LAMC3: variants seen among roughly 807,000 people sequenced by gnomAD.
LAMC3 encodes laminin subunit gamma 3, also known as laminin subunit gamma-3.
A neutral mutation model predicts 173.8 loss-of-function variants in LAMC3; 128 were observed. The ratio of observed to expected loss-of-function variants is 0.74; its 90% CI spans 0.64 to 0.85. The LOEUF (loss-of-function observed/expected upper bound fraction) is 0.85. Among genes scored for constraint, LAMC3 ranks in the 40% least tolerant of loss-of-function variants. The pLI is 0.00. For synonymous variants in LAMC3, 897 were observed against 909.1 expected, an observed-to-expected ratio of 0.99 and a Z score of 0.24; for missense variants, 2,022 against 2,156.0, an observed-to-expected ratio of 0.94 and a Z score of 1.23.
intron 22 of LAMC3, among the ~76,000 whole-genome samples, chr9:131,078,339 A>C (rs1245825963): frequency 1.3e-5 from 2 of 152,172 alleles, no homozygotes; most frequent in East Asian, 3.9e-4. Context: ...AAAATACAAA[A>C]AAATTAGCCA....
At chr9:131,012,217 C>T (rs943508343) in intron 1 of LAMC3, among the ~76,000 whole-genome samples, 1 of 152,126 alleles carries the variant, frequency 6.6e-6, no homozygotes, top group Non-Finnish European at 1.5e-5. Context: ...CTGGGGCCAG[C>T]TCAGCATTCT....
chr9:131,067,679 GA>G (rs894242225), intron 14 of LAMC3, among the ~76,000 whole-genome samples: 1 of 152,184 alleles, frequency 6.6e-6, no homozygotes, highest in African/African-American at 2.4e-5. Context: ...TCGCTTTGTG[GA>G]ACCCCTGCAG....
chr9:131,091,856 C>T lies in LAMC3; in HGVS notation c.*69C>T, dbSNP rs749682792. 1.1e-5 allele frequency: 18 copies of T among 1,569,060 alleles called. No individual in the cohort carries two copies. Among genetic ancestry groups the T allele is most frequent in the Non-Finnish European group, 1.5e-5 (17 of 1,154,332 alleles). ...ACATGACCCAGGGGGTGCACACTAC[C>T]CCACAGGTGTGCCCATACAGACATT... On this transcript the variant is annotated 3_prime_UTR_variant, in exon 28 of 28. Coordinates refer to ENST00000361069, the MANE Select transcript of LAMC3 (RefSeq NM_006059.4).
chr9:131,030,511 G>A (rs1833805780), intron 2 of LAMC3, among the ~76,000 whole-genome samples: 1 of 152,196 alleles, frequency 6.6e-6, no homozygotes, highest in Admixed American at 6.5e-5. Context: ...GGGACCCTGG[G>A]ATCAGATAGA....
Position 131,026,748 on chromosome 9 carries a change from C to T in LAMC3, c.678+159C>T, listed in dbSNP as rs1377567922. Reference sequence around the variant, plus strand: ...TTTTGGAGACTGAGTCTTGCTCTGTCGCCCAGGCTGGAGTGCAGTGACGCG... The same window carrying T: ...TTTTGGAGACTGAGTCTTGCTCTGTTGCCCAGGCTGGAGTGCAGTGACGCG... On this transcript the variant is annotated intron_variant, in intron 2 of 27. Coordinates refer to ENST00000361069, the MANE Select transcript of LAMC3 (RefSeq NM_006059.4). This position sits in a 1 kb window ranked among gnomAD's most constrained non-coding sequence, Gnocchi z 4.8. 6.6e-6 allele frequency among the ~76,000 whole-genome samples: 1 copy of T among 152,058 alleles called. No homozygotes were observed.
In LAMC3 at chr9:131,026,696, C is replaced by T. The variant is rs1433712547; in HGVS notation, c.678+107C>T. Reference sequence around the variant, plus strand: ...ACACAGGGTGGGGGACCTGCAAAACCCCATGGTTTTCTTTTTCTTCTTTTA... The same window carrying T: ...ACACAGGGTGGGGGACCTGCAAAACTCCATGGTTTTCTTTTTCTTCTTTTA... On this transcript the variant is annotated intron_variant, in intron 2 of 27. Transcript: ENST00000361069. The surrounding 1 kb of genome is among the most constrained non-coding windows in gnomAD (Gnocchi z 4.8). The T allele has an allele frequency of 6.3e-6, 9 of 1,425,724 alleles. No individual in the cohort carries two copies. In the African/African-American group the frequency reaches 1.2e-4, roughly 18 times the overall value. The allele number at this position is 1,425,724 out of a possible 1,614,324, so 88.3% of individuals were successfully genotyped here. A position where few individuals can be genotyped will look rare whatever the true frequency, so the allele number is the denominator to read the frequency against.
chr9:131,091,787 A>G lies in LAMC3; in HGVS notation c.4728A>G (p.Ter1576TrpextTer45), dbSNP rs1208313576. 4 of 1,611,908 alleles carry G rather than the reference A, an allele frequency of 2.5e-6. No individual in the cohort carries two copies. The highest frequency in any genetic ancestry group is 3.4e-6 in the Non-Finnish European group (4 of 1,179,966). The change falls in exon 28 of 28, where the codon TGA becomes TGG. Residue 1576 changes from the stop codon to tryptophan, a stop_lost. Transcript: ENST00000361069. ...CCGAGAACTGTGCCAGCTGGCAGTG[A>G]GGGCTGCCCAGATCCCCGGCACACA... The part of the protein sequence containing the change: ...SLPENCASWQ[*>W]
At chr9:131,014,459 A>G (rs1833483078) in intron 1 of LAMC3, among the ~76,000 whole-genome samples, 1 of 152,218 alleles carries the variant, frequency 6.6e-6, no homozygotes, top group South Asian at 2.1e-4. Flanking sequence ...AAGGTTGGGC[A>G]GAAGGCCTGC....
At chr9:131,010,643 T>C (rs1340490477) in intron 1 of LAMC3, among the ~76,000 whole-genome samples, 1 of 152,236 alleles carries the variant, frequency 6.6e-6, no homozygotes, top group Non-Finnish European at 1.5e-5. Context: ...TTCTGGAAGA[T>C]AGAAGCTGTG....
intron 6 of LAMC3, among the ~76,000 whole-genome samples, chr9:131,040,071 G>A (rs1834020876): frequency 7.0e-6 from 1 of 142,962 alleles, no homozygotes. Flanking sequence ...CTGGAATGCA[G>A]TGGTGCCATC....
chr9:131,087,523 C>T lies in LAMC3; in HGVS notation c.4278C>T (p.Ala1426=). ...AGCGGAAACAGGCGCACCGCCGTGC[C>T]AGCAGGCTCACCAGCCAGACGCAAG... ...LRERKQAHRR[A]SRLTSQTQAT... is the part of the protein sequence containing the mutation. The change falls in exon 26 of 28, where the codon GCC becomes GCT. Residue 1426 remains alanine, a synonymous_variant. Transcript: ENST00000361069. 2 of 1,613,790 alleles carry T rather than the reference C, an allele frequency of 1.2e-6. No individual in the cohort carries two copies. Among genetic ancestry groups the T allele is most frequent in the Non-Finnish European group, 1.7e-6 (2 of 1,180,004 alleles).
chr9:131,061,159 G>T lies in LAMC3; in HGVS notation c.2283G>T (p.Ser761=). The change falls in exon 13 of 28, where the codon TCG becomes TCT. Residue 761 remains serine, a synonymous_variant. Coordinates refer to ENST00000361069, the MANE Select transcript of LAMC3 (RefSeq NM_006059.4). ...DCQPCPCPGQ[S]ACTTIPESRE... ...AGCCCTGTCCCTGCCCTGGCCAGTC[G>T]GCCTGTACGACCATCCCAGAGAGCC... The T allele has an allele frequency of 6.2e-7, 1 of 1,612,766 alleles. No homozygotes were observed.
Position 131,092,710 on chromosome 9 carries a change from C to T in LAMC3, c.*923C>T, listed in dbSNP as rs146082474. 6.6e-6 allele frequency: 1 copy of T among 152,324 alleles called. No individual in the cohort carries two copies. The highest frequency in any genetic ancestry group is 2.4e-5 in the African/African-American group (1 of 41,462). 9.4% of individuals were successfully genotyped at this position (152,324 alleles called of 1,614,324 possible). ...AGCACGCCTCTGTGCCCCCGGCAAC[C>T]CAGTTGACCTTTAATTGACGCTTTC... On this transcript the variant is annotated 3_prime_UTR_variant, in exon 28 of 28. Transcript: ENST00000361069.
In LAMC3 at chr9:131,045,753, C is replaced by G. The variant is rs1418144176; in HGVS notation, c.1519+93C>G. 3.1e-5 allele frequency: 47 copies of G among 1,492,628 alleles called. 1 individual carries two copies. The Admixed American group carries it at 7.8e-4, about 25-fold the overall frequency. 92.5% of individuals were successfully genotyped at this position (1,492,628 alleles called of 1,614,324 possible). A position where few individuals can be genotyped will look rare whatever the true frequency, so the allele number is the denominator to read the frequency against. The stretch of plus-strand genomic sequence containing the variant: ...GGGGAGATCTTGCATTAGTGGATCT[C>G]CCATTGTGGAGAGGAGCCACAGGCC... On this transcript the variant is annotated intron_variant, in intron 8 of 27. Coordinates refer to ENST00000361069, the MANE Select transcript of LAMC3 (RefSeq NM_006059.4).
At chr9:131,048,980 G>A (rs775939215) in intron 8 of LAMC3, 40 bp from the exon 9 acceptor site, 16 of 1,333,498 alleles carry the variant, frequency 1.2e-5, no homozygotes, top group South Asian at 1.3e-5. Context: ...ACCCTCCGGG[G>A]CCTCACACTG....
At position 131,067,050 on chromosome 9, in the gene LAMC3, G is replaced by A. The variant is rs55741126; in HGVS notation, c.2438G>A (p.Ser813Asn). ...HPQPCHQCQC[S>N]GNVDPNAVGN... The stretch of plus-strand genomic sequence containing the variant: ...CAGCCCTGCCACCAGTGCCAGTGTA[G>A]CGGGAACGTGGACCCCAATGCCGTG... Residue 813 changes from serine (S) to asparagine (N), a missense_variant, in exon 14 of 28, where the codon AGC becomes AAC. Coordinates refer to ENST00000361069, the MANE Select transcript of LAMC3 (RefSeq NM_006059.4). 1.0e-3 allele frequency: 1,644 copies of A among 1,614,128 alleles called. 16 individuals carry two copies. The African/African-American group carries it at 0.019, about 19-fold the overall frequency.
chr9:131,090,461 G>A (rs756960599), intron 27 of LAMC3, among the ~76,000 whole-genome samples: 4 of 152,188 alleles, frequency 2.6e-5, no homozygotes, highest in Non-Finnish European at 5.9e-5. Context: ...GGCCTCTTGA[G>A]GTCCTCCTAG....
At chr9:131,090,336 C>T (rs892910537) in intron 27 of LAMC3, among the ~76,000 whole-genome samples, 3 of 152,342 alleles carry the variant, frequency 2.0e-5, no homozygotes, top group South Asian at 2.1e-4. Context: ...GAAGAGCACA[C>T]GCCTGGCCCC....
chr9:131,046,963 C>T (rs570744194), intron 8 of LAMC3, among the ~76,000 whole-genome samples: 5 of 152,166 alleles, frequency 3.3e-5, no homozygotes, highest in African/African-American at 1.2e-4. Flanking sequence ...ACCGGCGCCG[C>T]GTGTCTGGGT....
Sources: gnomAD v4.1 joint callset for allele counts (sites outside exome capture counted in the v4.1 genomes callset) on GRCh38, gnomAD v4.1.1 for gene constraint, Gnocchi (gnomAD v3.1) non-coding constraint, MANE v1.5 for transcripts, NCBI Gene and HGNC (gene_info 2026-07-23, HGNC 2026-07-21) for gene names.